FRMPD2: variants seen among roughly 807,000 people sequenced by gnomAD.
The protein encoded by FRMPD2 is FERM and PDZ domain-containing protein 2.
A neutral mutation model predicts 140.1 loss-of-function variants in FRMPD2; 96 were observed. The ratio of observed to expected loss-of-function variants is 0.69; its 90% CI spans 0.58 to 0.81. FRMPD2 has a LOEUF of 0.81. Among genes scored for constraint, FRMPD2 ranks in the 40% least tolerant of loss-of-function variants. FRMPD2 has a pLI of 0.00. For missense variants in FRMPD2, 1,240 were observed against 1,447.4 expected, an observed-to-expected ratio of 0.86 and a Z score of 2.32; for synonymous variants, 449 against 547.6, an observed-to-expected ratio of 0.82 and a Z score of 2.52.
intron 12 of FRMPD2, among the ~76,000 whole-genome samples, chr10:48,221,656 T>C (rs1415949645): frequency 1.3e-5 from 2 of 152,228 alleles, no homozygotes; most frequent in Non-Finnish European, 2.9e-5. Context: ...ATGGTGATTA[T>C]GATAGGAATT....
chr10:48,254,921 C>G (rs1840458888), intron 1 of FRMPD2, among the ~76,000 whole-genome samples: 1 of 152,184 alleles, frequency 6.6e-6, no homozygotes, highest in African/African-American at 2.4e-5. Flanking sequence ...CTTTAGCCAT[C>G]ACACCAAGAT....
Position 48,244,780 on chromosome 10 carries a change from A to C in FRMPD2, c.375+4T>G. ...GCAAGACTTGGAGTATCTTGTTTACAAACCTGATGTGGCGGAACATGAAAC... is the reference window on the plus strand; with the variant it reads ...GCAAGACTTGGAGTATCTTGTTTACCAACCTGATGTGGCGGAACATGAAAC... On this transcript the variant is annotated splice_donor_region_variant and intron_variant, in intron 4 of 28. Transcript: ENST00000374201. The C allele has an allele frequency of 6.2e-7, 1 of 1,611,588 alleles. No homozygotes were observed. Among genetic ancestry groups the C allele is most frequent in the Non-Finnish European group, 8.5e-7 (1 of 1,177,656 alleles).
At chr10:48,207,460 C>T (rs923319375) in intron 13 of FRMPD2, among the ~76,000 whole-genome samples, 2 of 152,114 alleles carry the variant, frequency 1.3e-5, no homozygotes, top group African/African-American at 2.4e-5. Context: ...TTTTGGTGCT[C>T]CTCACCATGT....
chr10:48,202,229 A>G (rs1271262108), intron 14 of FRMPD2, among the ~76,000 whole-genome samples: 2 of 152,200 alleles, frequency 1.3e-5, no homozygotes, highest in South Asian at 2.1e-4. Flanking sequence ...TAGATATTCT[A>G]TCTATTTCAA....
At chr10:48,250,578 GT>G (rs1252056083) in intron 2 of FRMPD2, among the ~76,000 whole-genome samples, 1 of 151,804 alleles carries the variant, frequency 6.6e-6, no homozygotes, top group Non-Finnish European at 1.5e-5. Flanking sequence ...TATTTTGTGT[GT>G]GTATTTTTAG....
chr10:48,171,859 G>T (rs1475669804), intron 25 of FRMPD2, among the ~76,000 whole-genome samples: 1 of 152,252 alleles, frequency 6.6e-6, no homozygotes, highest in East Asian at 1.9e-4. Context: ...CTAGTCATTT[G>T]TAGTATACTT....
At chr10:48,180,332 C>CT (rs1396741363) in intron 21 of FRMPD2, among the ~76,000 whole-genome samples, 2 of 152,260 alleles carry the variant, frequency 1.3e-5, no homozygotes, top group East Asian at 3.9e-4. Context: ...AGAGCTGGGA[C>CT]TGAAGCACAC....
intron 28 of FRMPD2, chr10:48,159,221 G>A (rs782630764): frequency 1.2e-4 from 56 of 455,886 alleles, no homozygotes; most frequent in African/African-American, 2.0e-5. Flanking sequence ...GTTTTGGCAG[G>A]TTGGATTTAC....
chr10:48,222,126 G>GTGGA (rs148237970), intron 12 of FRMPD2, among the ~76,000 whole-genome samples, 187 bp downstream of exon 12: 25,909 of 143,934 alleles, frequency 0.18, 2,433 homozygotes, highest in Non-Finnish European at 0.2. Flanking sequence ...CAATGAATAG[G>GTGGA]TGGATGGATG....
Position 48,232,152 on chromosome 10 carries a change from G to C in FRMPD2, c.1131C>G (p.Leu377=). ...CCAAGCCAAAGTAGGTGAGTTCCTC[G>C]AGGTTGGCAAAGGATGTCACGGCAT... ...VFNAVTSFAN[L]EELTYFGLAY... The change falls in exon 10 of 29, where the codon CTC becomes CTG. Residue 377 remains leucine, a synonymous_variant. Coordinates refer to ENST00000374201, the MANE Select transcript of FRMPD2 (RefSeq NM_001018071.4). 1 of 1,614,188 alleles carries C rather than the reference G, an allele frequency of 6.2e-7. No homozygotes were observed. The highest frequency in any genetic ancestry group is 8.5e-7 in the Non-Finnish European group (1 of 1,180,038).
chr10:48,265,559 T>C (rs953407896), intron 1 of FRMPD2, among the ~76,000 whole-genome samples: 24 of 152,134 alleles, frequency 1.6e-4, no homozygotes, highest in South Asian at 8.3e-4. Flanking sequence ...GGGCAAAGGA[T>C]ATGAACAGAC....
chr10:48,239,838 C>T, intron 6 of FRMPD2, 146 bp from the exon 7 acceptor site: 1 of 615,316 alleles, frequency 1.6e-6, no homozygotes, highest in Non-Finnish European at 2.9e-6. Context: ...TCTGTTTCCT[C>T]ATGTAGAAAA....
intron 23 of FRMPD2, among the ~76,000 whole-genome samples, chr10:48,175,384 G>A (rs1370143479): frequency 6.6e-6 from 1 of 152,080 alleles, no homozygotes; most frequent in East Asian, 1.9e-4. Flanking sequence ...AGATAAGTAA[G>A]ATCCTAGGTT....
chr10:48,207,682 G>A (rs542245638), intron 13 of FRMPD2, among the ~76,000 whole-genome samples: 3 of 152,246 alleles, frequency 2.0e-5, no homozygotes, highest in African/African-American at 7.2e-5. Context: ...CCAGGAAGAC[G>A]CCAGTCCCCA....
At chr10:48,239,010 GTCTC>G (rs372321032) in intron 7 of FRMPD2, among the ~76,000 whole-genome samples, 27 of 150,152 alleles carry the variant, frequency 1.8e-4, no homozygotes, top group African/African-American at 5.9e-4. Context: ...CTGTCTCTCT[GTCTC>G]TCTCTCTCTC....
chr10:48,212,544 A>G (rs1442467478), intron 12 of FRMPD2, among the ~76,000 whole-genome samples: 1 of 151,650 alleles, frequency 6.6e-6, no homozygotes, highest in Non-Finnish European at 1.5e-5. Context: ...ACCAAAAGGC[A>G]TAGCAAAACC....
At chr10:48,274,072 T>C (rs540797320) in intron 1 of FRMPD2, among the ~76,000 whole-genome samples, 1 of 152,302 alleles carries the variant, frequency 6.6e-6, no homozygotes, top group Admixed American at 6.5e-5. Context: ...AACACTTGCT[T>C]CTGAAAGATA....
Position 48,240,467 on chromosome 10 carries a change from C to A in FRMPD2, c.593G>T (p.Ser198Ile). ...GCTTCTGTTCTGCTGCACAGAGGAGCTTTCCTCCACAACTCTTTTCTCCAC... is the reference window on the plus strand; with the variant it reads ...GCTTCTGTTCTGCTGCACAGAGGAGATTTCCTCCACAACTCTTTTCTCCAC... ...SEVEKRVVEE[S>I]SSVQQNRSYL... Residue 198 changes from serine (S) to isoleucine (I), a missense_variant, in exon 6 of 29, where the codon AGC becomes ATC. Ser to Ile is a moderately radical substitution (Grantham distance 142). This residue lies in a region of FRMPD2 where 1,161 missense variants were observed against 1,055.9 expected (regional missense o/e 1.10). Coordinates refer to ENST00000374201, the MANE Select transcript of FRMPD2 (RefSeq NM_001018071.4). The A allele has an allele frequency of 6.2e-7, 1 of 1,613,846 alleles. No homozygotes were observed. The highest frequency in any genetic ancestry group is 1.1e-5 in the South Asian group (1 of 91,086).
chr10:48,219,597 A>G (rs1163286591), intron 12 of FRMPD2, among the ~76,000 whole-genome samples: 1 of 152,192 alleles, frequency 6.6e-6, no homozygotes, highest in African/African-American at 2.4e-5. Context: ...CATAAACCCC[A>G]ACAGCAAAAT....
Sources: allele counts gnomAD v4.1 joint callset (sites outside exome capture counted in the v4.1 genomes callset), GRCh38; gene constraint gnomAD v4.1.1; regional missense constraint gnomAD v4.1.1; transcripts MANE v1.5; gene names NCBI Gene and HGNC (gene_info 2026-07-23, HGNC 2026-07-21).